Variants in RERE observed in about 807,000 individuals in gnomAD.
The protein encoded by RERE is arginine-glutamic acid dipeptide repeats, also known as arginine-glutamic acid dipeptide repeats protein.
In RERE, 40 loss-of-function variants were observed where a neutral mutation model predicts 146.1. The ratio of observed to expected loss-of-function variants is 0.27; its 90% CI spans 0.21 to 0.36. RERE has a LOEUF of 0.36. RERE is among the 10% of genes least tolerant of loss of function. RERE has a pLI of 1.00. For missense variants in RERE, 1,933 were observed against 2,138.7 expected (o/e 0.90, Z 1.90); for synonymous variants, 1,003 against 866.0 (o/e 1.16, Z -2.78).
At chr1:8,373,099 GGCT>G (rs1215291853) in intron 12 of RERE, among the ~76,000 whole-genome samples, 3 of 152,336 alleles carry the variant, frequency 2.0e-5, no homozygotes, top group Admixed American at 2.0e-4. Flanking sequence ...ACAGGGGCAG[GGCT>G]GCTGAGTGCA....
At chr1:8,704,857 T>C (rs1224773129) in intron 1 of RERE, among the ~76,000 whole-genome samples, 1 of 152,208 alleles carries the variant, frequency 6.6e-6, no homozygotes, top group East Asian at 1.9e-4. Flanking sequence ...TCAATACAAA[T>C]CAGAGATGGT....
Position 8,497,591 on chromosome 1 carries a change from A to G in RERE, c.880-62T>C, listed in dbSNP as rs1341223105. The G allele has an allele frequency of 1.9e-6, 3 of 1,555,258 alleles. No individual in the cohort carries two copies. In the African/African-American group the frequency reaches 4.1e-5, roughly 21 times the overall value. ...TGTATTAATTATAAAGAGCTATCTC[A>G]ATAAGCAGTCTTTAGGAACATATAC... On this transcript the variant is annotated intron_variant, in intron 8 of 22. Coordinates refer to ENST00000400908, the MANE Select transcript of RERE (RefSeq NM_001042681.2).
At chr1:8,644,355 G>A (rs531359608) in intron 2 of RERE, among the ~76,000 whole-genome samples, 3 of 152,106 alleles carry the variant, frequency 2.0e-5, no homozygotes, top group Non-Finnish European at 2.9e-5. Context: ...TGGTTGGAAC[G>A]GTCAGTAGTT....
Position 8,678,632 on chromosome 1 carries a change from T to C in RERE, c.-144-22191A>G, listed in dbSNP as rs145732409. Among the ~76,000 whole-genome samples the C allele has an allele frequency of 7.9e-3, 1,189 of 151,384 alleles. 14 individuals are homozygous for C. The highest frequency in any genetic ancestry group is 0.028 in the African/African-American group (1,134 of 41,150). On this transcript the variant is annotated intron_variant, in intron 1 of 22. Transcript: ENST00000400908. ...GGCGGAGGTTGCAGGGAGGCGGAGG[T>C]TGCAGTGAGCCGAGATCGTACCACT...
chr1:8,506,845 G>A lies in RERE; in HGVS notation c.879+1782C>T, dbSNP rs996696243. Among the ~76,000 whole-genome samples the A allele has an allele frequency of 1.1e-4, 17 of 152,274 alleles. No individual in the cohort carries two copies. In the South Asian group the frequency reaches 3.3e-3, roughly 30 times the overall value. On this transcript the variant is annotated intron_variant, in intron 8 of 22. Coordinates refer to ENST00000400908, the MANE Select transcript of RERE (RefSeq NM_001042681.2). ...TGTTATTTTATGTGCACTGAGAAAG[G>A]ATAAAATATAGCCAATAAATTATAA... is the stretch of plus-strand genomic sequence containing the variant.
Position 8,656,136 on chromosome 1 carries a change from A to T in RERE, c.162T>A (p.Asp54Glu). 1.9e-6 allele frequency: 3 copies of T among 1,613,768 alleles called. No individual in the cohort carries two copies. The East Asian group carries it at 6.7e-5, about 36-fold the overall frequency. Residue 54 changes from aspartate to glutamate, a missense_variant, in exon 2 of 23, where the codon GAT becomes GAA. By Grantham distance (45) the Asp-to-Glu change is conservative (BLOSUM62 2). Around this residue, in one of 11 missense-constraint regions of RERE, gnomAD observed 107 missense variants for 119.7 expected, o/e 0.89. Coordinates refer to ENST00000400908, the MANE Select transcript of RERE (RefSeq NM_001042681.2). ...TGTCATTGTCCTCGTCTTCACTGTG[A>T]TCACTCTCAGCATAATTTTTGGCTC... is the stretch of plus-strand genomic sequence containing the variant. Reference protein sequence around the residue: ...EGGAKNYAESDHSEDEDNDNN... With the variant: ...EGGAKNYAESEHSEDEDNDNN...
At chr1:8,700,236 C>T (rs1044845519) in intron 1 of RERE, among the ~76,000 whole-genome samples, 1 of 151,988 alleles carries the variant, frequency 6.6e-6, no homozygotes, top group South Asian at 2.1e-4. Flanking sequence ...ACCCGGGAGA[C>T]GGAGGCTGCA....
chr1:8,693,677 T>C (rs1457019433), intron 1 of RERE, among the ~76,000 whole-genome samples: 1 of 152,144 alleles, frequency 6.6e-6, no homozygotes, highest in Non-Finnish European at 1.5e-5. Flanking sequence ...TAGATGCATG[T>C]TATGAAACAT....
chr1:8,426,787 G>A (rs1288342554), intron 11 of RERE, among the ~76,000 whole-genome samples: 1 of 152,102 alleles, frequency 6.6e-6, no homozygotes, highest in Non-Finnish European at 1.5e-5. Flanking sequence ...GGCCCACACT[G>A]GGGGACCTCT....
Position 8,365,826 on chromosome 1 carries a change from G to C in RERE, c.1433C>G (p.Pro478Arg). ...CCCCTACTCACAGAATTCACTGGAC[G>C]GGGGTCTGGAGGGTGTGTTGACGGG... is the stretch of plus-strand genomic sequence containing the variant. ...STPVNTPSRP[P>R]SSEFLDLSSA... Residue 478 changes from proline to arginine, a missense_variant, in exon 13 of 23, where the codon CCG becomes CGG. Pro to Arg is a moderately radical substitution (Grantham distance 103). This residue lies in a region of RERE where 260 missense variants were observed against 378.4 expected (regional missense o/e 0.69). Transcript: ENST00000400908. 6.2e-7 allele frequency: 1 copy of C among 1,614,138 alleles called. No individual in the cohort carries two copies. The highest frequency in any genetic ancestry group is 8.5e-7 in the Non-Finnish European group (1 of 1,180,004).
At chr1:8,803,708 G>A (rs1641632125) in intron 1 of RERE, among the ~76,000 whole-genome samples, 2 of 151,008 alleles carry the variant, frequency 1.3e-5, no homozygotes, top group South Asian at 4.2e-4. Flanking sequence ...GACTACAGGT[G>A]CACACCACCA....
intron 1 of RERE, among the ~76,000 whole-genome samples, chr1:8,811,601 C>T (rs1641811936): frequency 6.6e-6 from 1 of 152,190 alleles, no homozygotes; most frequent in African/African-American, 2.4e-5. Context: ...GAGCGAGACC[C>T]TCTCTCAAAA....
chr1:8,445,942 T>A (rs977994840), intron 11 of RERE, among the ~76,000 whole-genome samples: 7 of 151,838 alleles, frequency 4.6e-5, no homozygotes, highest in Non-Finnish European at 1.0e-4. Flanking sequence ...TCTGTCCTTG[T>A]GTTAGTTTTC....
At chr1:8,696,226 T>C (rs373902811) in intron 1 of RERE, among the ~76,000 whole-genome samples, 1 of 152,240 alleles carries the variant, frequency 6.6e-6, no homozygotes, top group East Asian at 1.9e-4. Context: ...CTACCAAAAA[T>C]ACACATGCAC....
chr1:8,359,909 T>G lies in RERE; in HGVS notation c.3473A>C (p.Lys1158Thr), dbSNP rs1401837195. 2 of 1,613,364 alleles carry G rather than the reference T, an allele frequency of 1.2e-6. No homozygotes were observed. Among genetic ancestry groups the G allele is most frequent in the Non-Finnish European group, 1.7e-6 (2 of 1,180,012 alleles). ...DLYFMPLAGSKLAKKREEAIE... is the reference protein window; with the variant it reads ...DLYFMPLAGSTLAKKREEAIE... ...GGCCTCCTCCCTCTTCTTGGCCAGCTTGGACCCGGCCAGAGGCATGAAGTA... is the reference window on the plus strand; with the variant it reads ...GGCCTCCTCCCTCTTCTTGGCCAGCGTGGACCCGGCCAGAGGCATGAAGTA... The change falls in exon 19 of 23, where the codon AAG (lysine) becomes ACG (threonine). Residue 1158 changes from lysine to threonine, a missense_variant. Physicochemically the swap from Lys to Thr is moderately conservative, Grantham distance 78 (BLOSUM62 -1). Transcript: ENST00000400908.
intron 1 of RERE, among the ~76,000 whole-genome samples, chr1:8,710,020 T>TC (rs1314462485): frequency 6.6e-6 from 1 of 152,208 alleles, no homozygotes; most frequent in Non-Finnish European, 1.5e-5. Context: ...CCATGACTCC[T>TC]CCTAAATACA....
intron 2 of RERE, among the ~76,000 whole-genome samples, chr1:8,643,604 C>T (rs1647210979): frequency 6.6e-6 from 1 of 152,118 alleles, no homozygotes; most frequent in South Asian, 2.1e-4. Flanking sequence ...AGGCAGTTAC[C>T]CAAGAGTGGC....
At chr1:8,579,100 T>G (rs1646331275) in intron 4 of RERE, among the ~76,000 whole-genome samples, 1 of 152,212 alleles carries the variant, frequency 6.6e-6, no homozygotes, top group Non-Finnish European at 1.5e-5. Context: ...TGCCCCACTG[T>G]GTTCCGCTGT....
rs3050828 is a variant in RERE, at chr1:8,545,982, C to CTTTTTTTTTTTT, written c.726-4676_726-4665dup. On this transcript the variant is annotated intron_variant, in intron 6 of 22. Coordinates refer to ENST00000400908, the MANE Select transcript of RERE (RefSeq NM_001042681.2). ...ACAGGTGCAAGCTACCATACCCAGTCTTTTTTTTTTTTTTTTTTTTTTTTT... is the reference window on the plus strand; with the variant it reads ...ACAGGTGCAAGCTACCATACCCAGTCTTTTTTTTTTTTTTTTTTTTTTTTTTTTTTTTTTTTT... 1.1e-3 allele frequency among the ~76,000 whole-genome samples: 76 copies of CTTTTTTTTTTTT among 69,474 alleles called. 8 individuals are homozygous for CTTTTTTTTTTTT. Among genetic ancestry groups the CTTTTTTTTTTTT allele is most frequent in the African/African-American group, 2.9e-3 (48 of 16,694 alleles). 45.6% of individuals were successfully genotyped at this position (69,474 alleles called of 152,430 possible). A position where few individuals can be genotyped will look rare whatever the true frequency, so the allele number is the denominator to read the frequency against.
Sources: gnomAD v4.1 joint callset for allele counts (sites outside exome capture counted in the v4.1 genomes callset) on GRCh38, gnomAD v4.1.1 for gene constraint, gnomAD v4.1.1 regional missense constraint, MANE v1.5 for transcripts, NCBI Gene and HGNC (gene_info 2026-07-23, HGNC 2026-07-21) for gene names.